Variants in MED12L observed in about 807,000 individuals in gnomAD.
MED12L encodes the protein mediator complex subunit 12L, also known as mediator of RNA polymerase II transcription subunit 12-like protein.
In MED12L, 60 loss-of-function variants were observed where a neutral mutation model predicts 281.3. That is an observed-to-expected ratio of 0.21 (90% CI 0.17 to 0.26). The LOEUF (loss-of-function observed/expected upper bound fraction) is 0.26, where lower values mean the gene tolerates loss of function less well. Among genes scored for constraint, MED12L ranks in the 10% least tolerant of loss-of-function variants. MED12L has a pLI of 1.00. For missense variants in MED12L, 2,146 were observed against 2,680.9 expected, an observed-to-expected ratio of 0.80 and a Z score of 4.41; for synonymous variants, 974 against 987.2, an observed-to-expected ratio of 0.99 and a Z score of 0.25.
chr3:151,380,341 A>T, intron 32 of MED12L, 117 bp downstream of exon 32: 1 of 660,454 alleles, frequency 1.5e-6, no homozygotes, highest in South Asian at 1.9e-5. Context: ...TCATGCCTGT[A>T]ATCCCAGCAC....
intron 2 of MED12L, among the ~76,000 whole-genome samples, chr3:151,087,259 C>T (rs931082120): frequency 6.6e-6 from 1 of 152,238 alleles, no homozygotes; most frequent in South Asian, 2.1e-4. Context: ...GTCGCTTTCC[C>T]GTTGCCGGGC....
At chr3:151,294,992 A>G (rs1317944397) in intron 16 of MED12L, 2 of 1,613,682 alleles carry the variant, frequency 1.2e-6, no homozygotes, top group African/African-American at 2.7e-5. Flanking sequence ...GAGGTCTGCA[A>G]CCACTATGTT....
intron 12 of MED12L, 51 bp from the exon 13 acceptor site, chr3:151,188,303 G>A: frequency 6.8e-7 from 1 of 1,468,610 alleles, no homozygotes; most frequent in Non-Finnish European, 9.4e-7. Context: ...TTCATGATCT[G>A]TTATGACTAT....
chr3:151,087,136 A>G, intron 2 of MED12L, 111 bp downstream of exon 2: 13 of 870,726 alleles, frequency 1.5e-5, no homozygotes, highest in Non-Finnish European at 2.2e-5. Flanking sequence ...GAGGTCGGGG[A>G]GGGGGATTAG....
In MED12L at chr3:151,338,502, A is replaced by G. The variant is rs1374555502; in HGVS notation, c.2251-11557A>G. 3.1e-6 allele frequency: 5 copies of G among 1,613,890 alleles called. No homozygotes were observed. Among genetic ancestry groups the G allele is most frequent in the African/African-American group, 1.3e-5 (1 of 74,874 alleles). ...GTAGCGATCGATAGTTATCAGTCCC[A>G]GGAATGAAATACTGATATACATTGT... is the stretch of plus-strand genomic sequence containing the variant. On this transcript the variant is annotated intron_variant, in intron 16 of 44. Coordinates refer to ENST00000687756, the MANE Select transcript of MED12L (RefSeq NM_001393769.1).
At chr3:151,214,008 G>A (rs916559873) in intron 16 of MED12L, 7 of 1,614,042 alleles carry the variant, frequency 4.3e-6, no homozygotes, top group Non-Finnish European at 5.9e-6. Flanking sequence ...CGTACATGTT[G>A]ACGTAGAAGA....
intron 5 of MED12L, among the ~76,000 whole-genome samples, chr3:151,145,697 A>G (rs548547629): frequency 2.0e-5 from 3 of 152,368 alleles, no homozygotes; most frequent in African/African-American, 7.2e-5. Flanking sequence ...TCTCAAAATA[A>G]GAAGTTTCAT....
chr3:151,350,074 C>T lies in MED12L; in HGVS notation c.2266C>T (p.His756Tyr). 1 of 1,610,600 alleles carries T rather than the reference C, an allele frequency of 6.2e-7. No homozygotes were observed. Among genetic ancestry groups the T allele is most frequent in the Non-Finnish European group, 8.5e-7 (1 of 1,177,950 alleles). The change falls in exon 17 of 45, where the codon CAT becomes TAT. Residue 756 changes from histidine to tyrosine, a missense_variant. Transcript: ENST00000687756. The part of the protein sequence containing the change: ...FPIPLDESSS[H>Y]ECNQRTILLY... Reference sequence around the variant, plus strand: ...TGTTTTTCAGGATGAATCTTCAAGTCATGAATGTAACCAGCGCACAATCCT... The same window carrying T: ...TGTTTTTCAGGATGAATCTTCAAGTTATGAATGTAACCAGCGCACAATCCT...
intron 16 of MED12L, among the ~76,000 whole-genome samples, chr3:151,274,166 A>G (rs993270577): frequency 1.9e-4 from 29 of 152,366 alleles, no homozygotes; most frequent in Admixed American, 9.8e-4. Context: ...CAAAAGATTA[A>G]GCAATTAATG....
At chr3:151,211,787 A>G (rs185888975) in intron 16 of MED12L, among the ~76,000 whole-genome samples, 215 of 152,304 alleles carry the variant, frequency 1.4e-3, no homozygotes, top group Non-Finnish European at 2.4e-3. Flanking sequence ...AACTGGGACT[A>G]TCGGCGTATG....
chr3:151,387,063 C>T (rs1237712548), intron 36 of MED12L, among the ~76,000 whole-genome samples: 4 of 152,152 alleles, frequency 2.6e-5, no homozygotes, highest in Admixed American at 1.3e-4. Context: ...TAGATAACAA[C>T]AGTAACACTT....
chr3:151,194,110 C>T (rs1029376993), intron 16 of MED12L, among the ~76,000 whole-genome samples: 1 of 151,838 alleles, frequency 6.6e-6, no homozygotes, highest in African/African-American at 2.4e-5. Context: ...GGATTACAGG[C>T]ACCTGCCACC....
At chr3:151,248,106 T>C (rs1183004689) in intron 16 of MED12L, among the ~76,000 whole-genome samples, 1 of 151,848 alleles carries the variant, frequency 6.6e-6, no homozygotes, top group African/African-American at 2.4e-5. Flanking sequence ...TAATATTCCT[T>C]GTCCTTGCCA....
chr3:151,271,489 T>C (rs1740936285), intron 16 of MED12L, among the ~76,000 whole-genome samples: 1 of 152,202 alleles, frequency 6.6e-6, no homozygotes, highest in Non-Finnish European at 1.5e-5. Context: ...GACCTAGTAA[T>C]TTCACTCCTA....
intron 30 of MED12L, among the ~76,000 whole-genome samples, 156 bp from the exon 31 acceptor site, chr3:151,377,856 G>T (rs1711520342): frequency 6.6e-6 from 1 of 152,132 alleles, no homozygotes; most frequent in African/African-American, 2.4e-5. Flanking sequence ...AATGTCTAGT[G>T]TTCGGAAAAA....
At chr3:151,220,211 A>C (rs1729073935) in intron 16 of MED12L, among the ~76,000 whole-genome samples, 1 of 151,234 alleles carries the variant, frequency 6.6e-6, no homozygotes, top group African/African-American at 2.4e-5. Context: ...AATTGCCCTC[A>C]TTTGATTACC....
At chr3:151,121,945 C>T (rs1249363916) in intron 3 of MED12L, among the ~76,000 whole-genome samples, 1 of 152,010 alleles carries the variant, frequency 6.6e-6, no homozygotes, top group Non-Finnish European at 1.5e-5. Flanking sequence ...AACTCTTGAC[C>T]TCAGGTGATC....
rs1334203440 is a variant in MED12L at position 151,158,680 on chromosome 3, T to C, written c.727-9T>C. 1 of 1,574,726 alleles carries C rather than the reference T, an allele frequency of 6.4e-7. No individual in the cohort carries two copies. ...CATTATTAATGTAATTTTTCTTTGT[T>C]CATTTAAGGAAGGAATGTTAGAAAA... is the stretch of plus-strand genomic sequence containing the variant. On this transcript the variant is annotated splice_polypyrimidine_tract_variant and intron_variant, in intron 6 of 44. Coordinates refer to ENST00000687756, the MANE Select transcript of MED12L (RefSeq NM_001393769.1).
chr3:151,103,739 C>T (rs1175867869), intron 2 of MED12L, among the ~76,000 whole-genome samples: 1 of 152,174 alleles, frequency 6.6e-6, no homozygotes, highest in African/African-American at 2.4e-5. Context: ...ATCTACATTT[C>T]GCAGAAGAGA....
Sources: gnomAD v4.1 joint callset for allele counts (sites outside exome capture counted in the v4.1 genomes callset) on GRCh38, gnomAD v4.1.1 for gene constraint, MANE v1.5 for transcripts, NCBI Gene and HGNC (gene_info 2026-07-23, HGNC 2026-07-21) for gene names.